The following HACE1 variants were observed in gnomAD, a reference collection of about 807,000 sequenced individuals.
HACE1 encodes E3 ubiquitin-protein ligase HACE1.
In HACE1, 73 loss-of-function variants were observed where a neutral mutation model predicts 118.4. That is an observed-to-expected ratio of 0.62 (90% CI 0.51 to 0.75). The LOEUF (loss-of-function observed/expected upper bound fraction) is 0.75, where lower values mean the gene tolerates loss of function less well. Ranked by LOEUF, HACE1 falls within the 30% of genes least tolerant of loss-of-function variation. The probability of loss-of-function intolerance (pLI) is 0.00; values close to 1 mark genes in which losing one functional copy is unlikely to be tolerated. For missense variants in HACE1, 749 were observed against 1,102.2 expected (o/e 0.68, Z 4.54); for synonymous variants, 368 against 374.8 (o/e 0.98, Z 0.21).
At chr6:104,829,466 GA>G (rs1371455626) in intron 6 of HACE1, among the ~76,000 whole-genome samples, 1 of 152,036 alleles carries the variant, frequency 6.6e-6, no homozygotes, top group Non-Finnish European at 1.5e-5. Context: ...CAGCCAGGAG[GA>G]AAAGAAATAG....
chr6:104,791,710 A>G, intron 10 of HACE1, 56 bp from the exon 11 acceptor site: 1 of 1,167,584 alleles, frequency 8.6e-7, no homozygotes, highest in Non-Finnish European at 1.3e-6. Context: ...ATATTAAAAT[A>G]CTTATTTTAA....
At position 104,825,794 on chromosome 6, in the gene HACE1, C is replaced by T. The variant is rs546718520; in HGVS notation, c.534+7248G>A. On this transcript the variant is annotated intron_variant, in intron 6 of 23. Coordinates refer to ENST00000262903, the MANE Select transcript of HACE1 (RefSeq NM_020771.4). ...TACTTTTGTTTTCAATAAATATCTG[C>T]TTTTGCTGCTTCATTACTTGTTTGT... 2.0e-5 allele frequency among the ~76,000 whole-genome samples: 3 copies of T among 152,334 alleles called. No individual in the cohort carries two copies. In the East Asian group the frequency reaches 5.8e-4, roughly 29 times the overall value.
At chr6:104,731,039 G>A (rs1380580475) in intron 22 of HACE1, 4 of 156,648 alleles carry the variant, frequency 2.6e-5, no homozygotes, top group African/African-American at 9.7e-5. Flanking sequence ...GCCACAGGAA[G>A]GCTAACATAT....
At chr6:104,830,872 C>A (rs1364088356) in intron 6 of HACE1, among the ~76,000 whole-genome samples, 1 of 150,936 alleles carries the variant, frequency 6.6e-6, no homozygotes, top group Non-Finnish European at 1.5e-5. Flanking sequence ...TCTGGTTCAC[C>A]TCTCCTTAAG....
At chr6:104,747,560 G>A (rs1777562244) in intron 20 of HACE1, among the ~76,000 whole-genome samples, 1 of 151,758 alleles carries the variant, frequency 6.6e-6, no homozygotes, top group East Asian at 1.9e-4. Flanking sequence ...AAGTTCTAAA[G>A]CCAAGTCCCT....
At chr6:104,748,739 T>C (rs562491746) in intron 20 of HACE1, among the ~76,000 whole-genome samples, 6 of 152,292 alleles carry the variant, frequency 3.9e-5, no homozygotes, top group African/African-American at 1.2e-4. Context: ...AATGAACAAA[T>C]TACCAACTGC....
chr6:104,776,268 A>G (rs1196332872), intron 17 of HACE1, among the ~76,000 whole-genome samples: 1 of 152,202 alleles, frequency 6.6e-6, no homozygotes, highest in African/African-American at 2.4e-5. Context: ...TTTCCTAACC[A>G]ATATATTTTA....
At chr6:104,812,270 C>A (rs1010662872) in intron 6 of HACE1, among the ~76,000 whole-genome samples, 1 of 151,956 alleles carries the variant, frequency 6.6e-6, no homozygotes, top group African/African-American at 2.4e-5. Flanking sequence ...AGTGAGACCC[C>A]ATTTTTACAA....
chr6:104,739,437 A>G lies in HACE1; in HGVS notation c.2513+4723T>C, dbSNP rs934158533. On this transcript the variant is annotated intron_variant, in intron 22 of 23. Coordinates refer to ENST00000262903, the MANE Select transcript of HACE1 (RefSeq NM_020771.4). ...CAGGAAACCCATCTCACGTGCAGAG[A>G]CACACATAGGCTCAAAATAAAAGGA... 1.2e-4 allele frequency among the ~76,000 whole-genome samples: 18 copies of G among 152,298 alleles called. 1 individual carries two copies. Among genetic ancestry groups the G allele is most frequent in the Non-Finnish European group, 2.1e-4 (14 of 68,032 alleles).
intron 7 of HACE1, among the ~76,000 whole-genome samples, chr6:104,809,536 A>G (rs974037524): frequency 1.3e-5 from 2 of 152,126 alleles, no homozygotes; most frequent in African/African-American, 4.8e-5. Flanking sequence ...GCTAAACAGG[A>G]GTGAAATCAT....
Position 104,777,109 on chromosome 6 carries a change from A to C in HACE1, c.1680T>G (p.Asp560Glu). The part of the protein sequence containing the change: ...NENDILLVHR[D>E]SIFRSSCEVV... ...CTTCACAGCTACTCCTAAAAATAGA[A>C]TCTAAATATGTAGCATTGGTTAATT... Residue 560 changes from aspartate to glutamate, a missense_variant and splice_region_variant, in exon 16 of 24, where the codon GAT (aspartate) becomes GAG (glutamate). By Grantham distance (45) the Asp-to-Glu change is conservative. Coordinates refer to ENST00000262903, the MANE Select transcript of HACE1 (RefSeq NM_020771.4). 1 of 1,601,092 alleles carries C rather than the reference A, an allele frequency of 6.2e-7. No homozygotes were observed. The highest frequency in any genetic ancestry group is 1.7e-5 in the Admixed American group (1 of 59,998).
Position 104,734,615 on chromosome 6 carries a change from G to A in HACE1, c.2514-4199C>T, listed in dbSNP as rs143419821. 3.9e-4 allele frequency among the ~76,000 whole-genome samples: 60 copies of A among 152,258 alleles called. 1 individual carries two copies. The highest frequency in any genetic ancestry group is 7.4e-4 in the Non-Finnish European group (50 of 68,016). ...AATCCAAGGGTGAAGCTAGCTCCGT[G>A]TTGTTTCCCCTCAGCTTCCTTGGCT... On this transcript the variant is annotated intron_variant, in intron 22 of 23. Coordinates refer to ENST00000262903, the MANE Select transcript of HACE1 (RefSeq NM_020771.4).
intron 19 of HACE1, among the ~76,000 whole-genome samples, chr6:104,765,431 T>C (rs1463883539): frequency 3.9e-5 from 6 of 152,206 alleles, no homozygotes; most frequent in African/African-American, 1.4e-4. Flanking sequence ...ACAGGGGCTG[T>C]CTCATCAGCT....
At position 104,791,600 on chromosome 6, in the gene HACE1, C is replaced by T. The variant is rs777142884; in HGVS notation, c.978G>A (p.Met326Ile). 8 of 1,610,608 alleles carry T rather than the reference C, an allele frequency of 5.0e-6. No individual in the cohort carries two copies. In the Admixed American group the frequency reaches 1.3e-4, roughly 27 times the overall value. Reference protein sequence around the residue: ...QMKSLLRIVRMFCHVFRIGPS... With the variant: ...QMKSLLRIVRIFCHVFRIGPS... ...GACCAATTCGAAAGACGTGACAAAACATTCTCACAATCCTTAAAAGGCTCT... is the reference window on the plus strand; with the variant it reads ...GACCAATTCGAAAGACGTGACAAAATATTCTCACAATCCTTAAAAGGCTCT... Residue 326 changes from methionine (M) to isoleucine (I), a missense_variant, in exon 11 of 24, where the codon ATG becomes ATA. Physicochemically the swap from Met to Ile is conservative, Grantham distance 10 (BLOSUM62 1). Around this residue, in one of 5 missense-constraint regions of HACE1, gnomAD observed 267 missense variants for 312.2 expected, o/e 0.86. Transcript: ENST00000262903.
At chr6:104,857,160 C>CAT (rs1001101718) in intron 1 of HACE1, among the ~76,000 whole-genome samples, 1 of 147,250 alleles carries the variant, frequency 6.8e-6, no homozygotes. Context: ...TATATATTTA[C>CAT]ATATATATAT....
intron 22 of HACE1, among the ~76,000 whole-genome samples, chr6:104,742,504 C>G (rs917272415): frequency 3.3e-5 from 5 of 152,034 alleles, no homozygotes; most frequent in Non-Finnish European, 7.4e-5. Flanking sequence ...GGGCAAAGGA[C>G]AGGAACAGAC....
rs570573543 is a variant in HACE1, at chr6:104,808,192, T to TA, written c.617+3118dup. 3.1e-3 allele frequency among the ~76,000 whole-genome samples: 421 copies of TA among 133,784 alleles called. 9 individuals carry two copies. The South Asian group carries it at 0.054, about 17-fold the overall frequency. The allele number at this position is 133,784 out of a possible 152,430, so 87.8% of individuals were successfully genotyped here. A position where few individuals can be genotyped will look rare whatever the true frequency, so the allele number is the denominator to read the frequency against. ...CAGATTGAGGCTCTGTCTCAAAAAT[T>TA]AAAAAAAAAAAAAGTGCTTAGAATT... On this transcript the variant is annotated intron_variant, in intron 7 of 23. Coordinates refer to ENST00000262903, the MANE Select transcript of HACE1 (RefSeq NM_020771.4).
intron 19 of HACE1, among the ~76,000 whole-genome samples, chr6:104,757,995 G>GA (rs1168696041): frequency 6.6e-6 from 1 of 151,968 alleles, no homozygotes. Flanking sequence ...CAAGATTAGA[G>GA]AAAAAAAGAA....
intron 22 of HACE1, among the ~76,000 whole-genome samples, chr6:104,742,387 G>C (rs1411951438): frequency 6.8e-6 from 1 of 147,428 alleles, no homozygotes; most frequent in East Asian, 2.0e-4. Context: ...CTACAAAATG[G>C]GAGAAAATTT....
Sources: allele counts gnomAD v4.1 joint callset (sites outside exome capture counted in the v4.1 genomes callset), GRCh38; gene constraint gnomAD v4.1.1; regional missense constraint gnomAD v4.1.1; transcripts MANE v1.5; gene names NCBI Gene and HGNC (gene_info 2026-07-23, HGNC 2026-07-21).